RGS6: variants seen among roughly 807,000 people sequenced by gnomAD.
RGS6 encodes regulator of G-protein signaling 6.
In RGS6, 30 loss-of-function variants were observed where a neutral mutation model predicts 78.5. The ratio of observed to expected loss-of-function variants is 0.38; its 90% CI spans 0.29 to 0.52. The LOEUF is 0.52. RGS6 is among the 20% of genes least tolerant of loss of function. RGS6 has a pLI of 0.85. For missense variants in RGS6, 495 were observed against 609.7 expected, an observed-to-expected ratio of 0.81 and a Z score of 1.98; for synonymous variants, 206 against 206.0, an observed-to-expected ratio of 1.00 and a Z score of 0.00.
intron 13 of RGS6, among the ~76,000 whole-genome samples, chr14:72,503,325 T>C (rs1022590016): frequency 2.0e-5 from 3 of 152,254 alleles, no homozygotes; most frequent in Non-Finnish European, 2.9e-5. Context: ...CCAGAATTTA[T>C]GTCATCTTGC....
chr14:72,280,932 A>C, intron 2 of RGS6, among the ~76,000 whole-genome samples: 1 of 152,200 alleles, frequency 6.6e-6, no homozygotes, highest in East Asian at 1.9e-4. Context: ...AATAGAATAC[A>C]TTATCTCATG....
At chr14:72,395,716 T>C (rs2091080100) in intron 3 of RGS6, among the ~76,000 whole-genome samples, 1 of 151,900 alleles carries the variant, frequency 6.6e-6, no homozygotes, top group Admixed American at 6.6e-5. Flanking sequence ...CGGTGTGTGA[T>C]GTTCCCCGTC....
chr14:72,308,578 C>T (rs1024207924), intron 2 of RGS6, among the ~76,000 whole-genome samples: 3 of 152,204 alleles, frequency 2.0e-5, no homozygotes, highest in South Asian at 2.1e-4. Flanking sequence ...ATGCTCAACA[C>T]AGTCCTGCTT....
At chr14:71,908,516 T>C in the RGS6 span, 1 of 152,230 alleles carries the variant, frequency 6.6e-6, no homozygotes, top group Non-Finnish European at 1.5e-5. Flanking sequence ...TTGTAATACT[T>C]TCATTTAATA....
chr14:72,619,060 C>T, the RGS6 span, among the ~76,000 whole-genome samples: 4 of 152,186 alleles, frequency 2.6e-5, no homozygotes, highest in African/African-American at 9.7e-5. Flanking sequence ...AGGTGTTCTC[C>T]CAAAGTGCAA....
intron 2 of RGS6, among the ~76,000 whole-genome samples, chr14:71,972,974 G>C (rs1255774637): frequency 6.6e-6 from 1 of 152,286 alleles, no homozygotes; most frequent in East Asian, 1.9e-4. Flanking sequence ...TCTCTTCCCT[G>C]TATGTAGATA....
At chr14:72,139,454 G>A (rs1488365098) in intron 2 of RGS6, among the ~76,000 whole-genome samples, 1 of 152,196 alleles carries the variant, frequency 6.6e-6, no homozygotes, top group African/African-American at 2.4e-5. Context: ...AGGCGGCTTG[G>A]AGACAGCCAT....
At chr14:72,036,976 G>A (rs1435613683) in intron 2 of RGS6, among the ~76,000 whole-genome samples, 3 of 152,094 alleles carry the variant, frequency 2.0e-5, no homozygotes, top group Admixed American at 6.5e-5. Flanking sequence ...TGGGCTTCTG[G>A]GTCAGGTGGG....
chr14:71,977,700 G>A (rs1203714127), intron 2 of RGS6, among the ~76,000 whole-genome samples: 2 of 151,254 alleles, frequency 1.3e-5, no homozygotes, highest in Non-Finnish European at 1.5e-5. Flanking sequence ...GTAGTGTGAT[G>A]CCTCCAGCTT....
At chr14:72,199,342 A>G (rs1254003406) in intron 2 of RGS6, among the ~76,000 whole-genome samples, 1 of 152,234 alleles carries the variant, frequency 6.6e-6, no homozygotes, top group Non-Finnish European at 1.5e-5. Context: ...TTGGTGTCAG[A>G]ATTATAGAAG....
intron 2 of RGS6, among the ~76,000 whole-genome samples, chr14:72,253,759 C>T (rs2056416091): frequency 6.6e-6 from 1 of 152,118 alleles, no homozygotes; most frequent in Non-Finnish European, 1.5e-5. Flanking sequence ...TTGAGAGATA[C>T]CATTAGAGAG....
chr14:72,046,855 TATTGAAGACAC>T (rs1344721496), intron 2 of RGS6, among the ~76,000 whole-genome samples: 1 of 152,218 alleles, frequency 6.6e-6, no homozygotes, highest in East Asian at 1.9e-4. Flanking sequence ...TGATTTCCTC[TATTGAAGACAC>T]ATTGATTTTC....
chr14:72,042,129 CTTTT>C (rs202194668), intron 2 of RGS6, among the ~76,000 whole-genome samples: 6,269 of 134,500 alleles, frequency 0.047, 166 homozygotes, highest in African/African-American at 0.083. Flanking sequence ...TTTTCTTTTT[CTTTT>C]TTTTTTTTTT....
intron 2 of RGS6, among the ~76,000 whole-genome samples, chr14:72,285,185 G>A (rs6574065): frequency 0.68 from 102,913 of 151,952 alleles, 35,138 homozygotes; most frequent in East Asian, 0.86. Flanking sequence ...ACTATAGTGA[G>A]GGCATGGTTG....
the RGS6 span, among the ~76,000 whole-genome samples, chr14:71,921,035 G>A: frequency 6.6e-6 from 1 of 151,992 alleles, no homozygotes; most frequent in African/African-American, 2.4e-5. Context: ...TTAAAAAAAG[G>A]GCAAAGGACC....
At chr14:72,267,022 G>A (rs534794244) in intron 2 of RGS6, among the ~76,000 whole-genome samples, 6 of 152,286 alleles carry the variant, frequency 3.9e-5, no homozygotes, top group Admixed American at 1.3e-4. Context: ...TTGTTTGTGA[G>A]GCAGAGTCTT....
chr14:71,955,119 C>G (rs368332635), intron 1 of RGS6, among the ~76,000 whole-genome samples: 1 of 152,078 alleles, frequency 6.6e-6, no homozygotes, highest in African/African-American at 2.4e-5. Context: ...GGCTTCAAAT[C>G]CCCCCAAGGG....
Position 72,250,096 on chromosome 14 carries a change from G to C in RGS6, c.85-101999G>C, listed in dbSNP as rs1220600911. Among the ~76,000 whole-genome samples, 6 of 119,568 alleles carry C rather than the reference G, an allele frequency of 5.0e-5. No homozygotes were observed. The East Asian group carries it at 8.7e-4, about 17-fold the overall frequency. 78.4% of individuals were successfully genotyped at this position (119,568 alleles called of 152,430 possible). ...CACACTCCGGGGACTGTTGCGGGGT[G>C]GGGGGAGGGGGGAGGGATAGCACTG... On this transcript the variant is annotated intron_variant, in intron 2 of 17. Transcript: ENST00000553525.
Position 71,932,566 on chromosome 14 carries a change from C to G in RGS6, c.-396C>G, listed in dbSNP as rs929251040. ...CGGACAGACCTCCGCGCACCCTTGC[C>G]GACCGGGGCGGGCAGAGGCGGGCAA... On this transcript the variant is annotated 5_prime_UTR_variant, in exon 1 of 18. Coordinates refer to ENST00000553525, the MANE Select transcript of RGS6 (RefSeq NM_001204424.2). 2 of 152,142 alleles carry G rather than the reference C, an allele frequency of 1.3e-5. No homozygotes were observed. The highest frequency in any genetic ancestry group is 1.3e-4 in the Admixed American group (2 of 15,268). 9.4% of individuals were successfully genotyped at this position (152,142 alleles called of 1,614,324 possible). A position where few individuals can be genotyped will look rare whatever the true frequency, so the allele number is the denominator to read the frequency against.
Sources: allele counts gnomAD v4.1 joint callset (sites outside exome capture counted in the v4.1 genomes callset), GRCh38; gene constraint gnomAD v4.1.1; transcripts MANE v1.5; gene names NCBI Gene and HGNC (gene_info 2026-07-23, HGNC 2026-07-21).